CEP112: variants seen among roughly 807,000 people sequenced by gnomAD.
CEP112 encodes the protein centrosomal protein of 112 kDa.
A neutral mutation model predicts 153.0 loss-of-function variants in CEP112; 127 were observed. The ratio of observed to expected loss-of-function variants is 0.83; its 90% CI spans 0.72 to 0.96. The LOEUF is 0.96. Ranked by LOEUF, CEP112 falls within the 40% of genes least tolerant of loss-of-function variation. The pLI, the probability that CEP112 is intolerant of heterozygous loss-of-function variation, is 0.00. For synonymous variants in CEP112, 358 were observed against 374.4 expected (o/e 0.96, Z 0.51); for missense variants, 1,089 against 1,101.2 (o/e 0.99, Z 0.16).
intron 20 of CEP112, among the ~76,000 whole-genome samples, chr17:65,888,102 C>T (rs1236008012): frequency 6.6e-6 from 1 of 152,180 alleles, no homozygotes; most frequent in Non-Finnish European, 1.5e-5. Flanking sequence ...TCTCCCTTTA[C>T]AGTCTTTCCA....
At chr17:65,999,813 A>G (rs1023086691) in intron 17 of CEP112, among the ~76,000 whole-genome samples, 2 of 152,098 alleles carry the variant, frequency 1.3e-5, no homozygotes, top group East Asian at 3.9e-4. Flanking sequence ...GAGTGACAAC[A>G]TGCGGTATTT....
At chr17:65,979,081 C>T (rs1045875170) in intron 17 of CEP112, among the ~76,000 whole-genome samples, 1 of 152,040 alleles carries the variant, frequency 6.6e-6, no homozygotes, top group Non-Finnish European at 1.5e-5. Flanking sequence ...AACTGGAAAC[C>T]TTGCCTGCTC....
At chr17:65,688,202 A>T (rs1259314022) in intron 24 of CEP112, 1 of 152,270 alleles carries the variant, frequency 6.6e-6, no homozygotes, top group East Asian at 1.9e-4. Context: ...GGAAAGAAAA[A>T]GGAGAAAACT....
intron 17 of CEP112, among the ~76,000 whole-genome samples, chr17:65,968,335 A>C (rs1302718854): frequency 6.6e-6 from 1 of 152,172 alleles, no homozygotes; most frequent in Non-Finnish European, 1.5e-5. Context: ...GCAGTTCAAT[A>C]TTTCAAAGTA....
intron 22 of CEP112, among the ~76,000 whole-genome samples, chr17:65,746,396 A>G (rs574253063): frequency 3.4e-4 from 52 of 152,304 alleles, no homozygotes; most frequent in Middle Eastern, 3.4e-3. Flanking sequence ...GCAGAATGTT[A>G]AAACACTTCA....
chr17:65,979,222 G>A (rs201532970), intron 17 of CEP112, among the ~76,000 whole-genome samples: 1 of 36,450 alleles, frequency 2.7e-5, no homozygotes, highest in Non-Finnish European at 7.3e-5. Flanking sequence ...TAGGCATTTT[G>A]TTTATTTTTA....
At chr17:65,898,983 T>A (rs2059754873) in intron 20 of CEP112, among the ~76,000 whole-genome samples, 1 of 152,186 alleles carries the variant, frequency 6.6e-6, no homozygotes, top group East Asian at 1.9e-4. Context: ...TATGTTCTAT[T>A]TTTCCTCTAA....
intron 16 of CEP112, among the ~76,000 whole-genome samples, chr17:66,017,869 A>G (rs2064837526): frequency 3.9e-5 from 6 of 152,112 alleles, no homozygotes. Flanking sequence ...GCATGGTGGC[A>G]CATGCCTGTG....
intron 2 of CEP112, among the ~76,000 whole-genome samples, chr17:66,178,029 T>G (rs2072560673): frequency 6.6e-6 from 1 of 152,142 alleles, no homozygotes; most frequent in African/African-American, 2.4e-5. Flanking sequence ...AACATGGGAG[T>G]GCAGATATCT....
chr17:66,155,689 G>C (rs2071408820), intron 4 of CEP112, among the ~76,000 whole-genome samples: 1 of 152,168 alleles, frequency 6.6e-6, no homozygotes, highest in South Asian at 2.1e-4. Context: ...AAGTCGACCT[G>C]GGATGCTTGA....
At chr17:66,113,675 CAAAT>C (rs2069157677) in intron 6 of CEP112, among the ~76,000 whole-genome samples, 1 of 152,072 alleles carries the variant, frequency 6.6e-6, no homozygotes, top group Non-Finnish European at 1.5e-5. Flanking sequence ...CTCAAGTTGA[CAAAT>C]AAATAGAAAA....
In CEP112 at chr17:65,794,760, C is replaced by A. The variant is rs191097978; in HGVS notation, c.2395-44036G>T. 1.8e-3 allele frequency among the ~76,000 whole-genome samples: 271 copies of A among 152,300 alleles called. 3 individuals carry two copies. The highest frequency in any genetic ancestry group is 6.0e-3 in the African/African-American group (248 of 41,562). The stretch of plus-strand genomic sequence containing the variant: ...TCTCCCTTTCCTTTCCACCCACACC[C>A]AGTCAGGAATCGCACCTGCGGCTTC... On this transcript the variant is annotated intron_variant, in intron 21 of 26. Coordinates refer to ENST00000535342, the MANE Select transcript of CEP112 (RefSeq NM_001199165.4).
At chr17:66,101,191 T>C (rs983734664) in intron 6 of CEP112, among the ~76,000 whole-genome samples, 19 of 152,120 alleles carry the variant, frequency 1.2e-4, no homozygotes, top group African/African-American at 4.6e-4. Flanking sequence ...TTTATATATT[T>C]ATGAAAAATG....
At chr17:66,006,948 T>C (rs1446985333) in intron 16 of CEP112, among the ~76,000 whole-genome samples, 1 of 152,156 alleles carries the variant, frequency 6.6e-6, no homozygotes, top group East Asian at 1.9e-4. Flanking sequence ...TGACAAACCA[T>C]ATCAAACACT....
intron 19 of CEP112, among the ~76,000 whole-genome samples, chr17:65,916,378 T>C (rs536047829): frequency 6.6e-6 from 1 of 152,094 alleles, no homozygotes; most frequent in Admixed American, 6.5e-5. Context: ...TTGTTCACTG[T>C]TATATCCCAA....
At chr17:65,850,270 A>G (rs2057882147) in intron 21 of CEP112, among the ~76,000 whole-genome samples, 1 of 151,724 alleles carries the variant, frequency 6.6e-6, no homozygotes, top group African/African-American at 2.4e-5. Context: ...CATCCCACTT[A>G]GCCTGAACAT....
intron 17 of CEP112, among the ~76,000 whole-genome samples, chr17:65,979,864 A>T (rs1053476136): frequency 2.0e-5 from 3 of 152,158 alleles, no homozygotes; most frequent in Admixed American, 6.5e-5. Flanking sequence ...TGCATGATGA[A>T]TTGGAACATC....
At chr17:65,706,907 C>T (rs1008428964) in intron 23 of CEP112, among the ~76,000 whole-genome samples, 2 of 152,184 alleles carry the variant, frequency 1.3e-5, no homozygotes, top group African/African-American at 4.8e-5. Flanking sequence ...CTGCACAGTA[C>T]CACTACCACC....
At position 66,190,837 on chromosome 17, in the gene CEP112, C is replaced by T. The variant is rs1012099447; in HGVS notation, c.-9+1160G>A. On this transcript the variant is annotated intron_variant, in intron 1 of 26. Transcript: ENST00000535342. ...TGGGAAAAAAAGGAGTCACAACTGC[C>T]AAGCAAAGAATACACTTCATTCATA... is the stretch of plus-strand genomic sequence containing the variant. Among the ~76,000 whole-genome samples, 25 of 152,090 alleles carry T rather than the reference C, an allele frequency of 1.6e-4. 1 individual carries two copies. Among genetic ancestry groups the T allele is most frequent in the African/African-American group, 6.0e-4 (25 of 41,404 alleles).
Sources: gnomAD v4.1 joint callset for allele counts (sites outside exome capture counted in the v4.1 genomes callset) on GRCh38, gnomAD v4.1.1 for gene constraint, MANE v1.5 for transcripts, NCBI Gene and HGNC (gene_info 2026-07-23, HGNC 2026-07-21) for gene names.